CATSPERE: variants seen among roughly 807,000 people sequenced by gnomAD.
The protein encoded by CATSPERE is cation channel sperm-associated auxiliary subunit epsilon.
In CATSPERE, 93 loss-of-function variants were observed where a neutral mutation model predicts 114.1. That is an observed-to-expected ratio of 0.81 (90% confidence interval 0.69 to 0.97). The LOEUF is 0.97. CATSPERE is among the 50% of genes least tolerant of loss of function. The pLI is 0.00. For synonymous variants in CATSPERE, 341 were observed against 384.1 expected, an observed-to-expected ratio of 0.89 and a Z score of 1.31; for missense variants, 1,058 against 1,131.6, an observed-to-expected ratio of 0.93 and a Z score of 0.93.
chr1:244,487,713 G>C (rs914193210), intron 5 of CATSPERE, among the ~76,000 whole-genome samples: 12 of 152,216 alleles, frequency 7.9e-5, no homozygotes, highest in South Asian at 4.1e-4. Flanking sequence ...GGAGGGGAAG[G>C]CTGGTCAGGA....
chr1:244,592,293 C>G (rs1667831315), intron 15 of CATSPERE, among the ~76,000 whole-genome samples: 2 of 152,082 alleles, frequency 1.3e-5, no homozygotes, highest in African/African-American at 4.8e-5. Context: ...ATCAAATATT[C>G]TACTAACTGA....
upstream of CATSPERE, among the ~76,000 whole-genome samples, chr1:244,452,936 G>A (rs1665750008): frequency 6.6e-6 from 1 of 152,136 alleles, no homozygotes; most frequent in African/African-American, 2.4e-5. Context: ...GAAAAAAAGT[G>A]GGAATGGAAT....
intron 19 of CATSPERE, among the ~76,000 whole-genome samples, chr1:244,610,920 C>T (rs1456864895): frequency 6.6e-6 from 1 of 152,074 alleles, no homozygotes; most frequent in Non-Finnish European, 1.5e-5. Flanking sequence ...GCCACCACGC[C>T]TGGCTAATTT....
At position 244,477,547 on chromosome 1, in the gene CATSPERE, T is replaced by C; in HGVS notation, c.121T>C (p.Leu41=). 6.3e-6 allele frequency: 10 copies of C among 1,576,190 alleles called. No homozygotes were observed. Among genetic ancestry groups the C allele is most frequent in the Non-Finnish European group, 7.8e-6 (9 of 1,148,962 alleles). The change falls in exon 3 of 22, where the codon TTA becomes CTA. Residue 41 remains leucine, a synonymous_variant. Coordinates refer to ENST00000366534, the MANE Select transcript of CATSPERE (RefSeq NM_001130957.2). ...CTCTTGTTTTCTTTTTTAGATTAAG[T>C]TAGAGTATGAAGGAACATTATTTAC... ...RIFSTRSTIK[L]EYEGTLFTEW... is the part of the protein sequence containing the mutation.
chr1:244,617,409 T>C, intron 19 of CATSPERE, 120 bp from the exon 20 acceptor site: 1 of 744,450 alleles, frequency 1.3e-6, no homozygotes, highest in East Asian at 2.9e-5. Flanking sequence ...ACTGCAGGGG[T>C]AAAATAGAAG....
At chr1:244,578,375 A>G (rs2148598137) in intron 11 of CATSPERE, among the ~76,000 whole-genome samples, 1 of 152,070 alleles carries the variant, frequency 6.6e-6, no homozygotes, top group South Asian at 2.1e-4. Flanking sequence ...CTGGTCTCAA[A>G]TTCCTGACCT....
intron 5 of CATSPERE, among the ~76,000 whole-genome samples, chr1:244,486,085 T>G (rs923219371): frequency 6.6e-6 from 1 of 152,170 alleles, no homozygotes; most frequent in Non-Finnish European, 1.5e-5. Flanking sequence ...GCTACATAAA[T>G]TTGTGAGGCC....
intron 8 of CATSPERE, among the ~76,000 whole-genome samples, chr1:244,521,267 T>C (rs1309550815): frequency 2.6e-5 from 4 of 152,132 alleles, no homozygotes; most frequent in Non-Finnish European, 4.4e-5. Context: ...GGCAGGAGGA[T>C]TGCTCAAGCC....
chr1:244,543,897 A>G (rs3000695), intron 8 of CATSPERE, among the ~76,000 whole-genome samples: 151,024 of 152,124 alleles, frequency 0.99, 74,976 homozygotes, highest in Middle Eastern at 1. Context: ...TGATAAAGCT[A>G]ACTCACACCT....
intron 19 of CATSPERE, 197 bp downstream of exon 19, chr1:244,610,523 G>A (rs1159567220): frequency 5.9e-6 from 4 of 673,068 alleles, no homozygotes; most frequent in East Asian, 5.7e-5. Context: ...TTGGTTCTGT[G>A]TTACTATTTT....
intron 20 of CATSPERE, among the ~76,000 whole-genome samples, chr1:244,621,112 A>C (rs1333594662): frequency 2.0e-4 from 14 of 69,962 alleles, no homozygotes; most frequent in Admixed American, 6.8e-4. Context: ...ATAAATATAT[A>C]TATAATATAT....
chr1:244,588,631 C>G, intron 14 of CATSPERE, 97 bp downstream of exon 14: 1 of 920,686 alleles, frequency 1.1e-6, no homozygotes, highest in Non-Finnish European at 1.8e-6. Context: ...TAATGACTGA[C>G]ACATCCACAA....
Position 244,552,465 on chromosome 1 carries a change from G to A in CATSPERE, c.680G>A (p.Gly227Asp), listed in dbSNP as rs1373971375. ...FPLLTIPEIPGYLPISSPRGS... is the reference protein window; with the variant it reads ...FPLLTIPEIPDYLPISSPRGS... ...TTGTTGACCATACCTGAAATTCCTG[G>A]TTATTTACCAATCTCCTCACCACGT... is the stretch of plus-strand genomic sequence containing the variant. The change falls in exon 9 of 22, where the codon GGT (glycine) becomes GAT (aspartate). Residue 227 changes from glycine (G) to aspartate (D), a missense_variant. Transcript: ENST00000366534. The A allele has an allele frequency of 1.9e-6, 3 of 1,613,946 alleles. No homozygotes were observed. In the East Asian group the frequency reaches 6.7e-5, roughly 36 times the overall value.
At chr1:244,619,753 A>G (rs1490474347) in intron 20 of CATSPERE, among the ~76,000 whole-genome samples, 1 of 152,208 alleles carries the variant, frequency 6.6e-6, no homozygotes, top group East Asian at 1.9e-4. Flanking sequence ...CTACAGGTGC[A>G]CTGACAATAG....
rs572313709 is a variant in CATSPERE at position 244,512,008 on chromosome 1, A to C, written c.430-6584A>C. On this transcript the variant is annotated intron_variant, in intron 7 of 21. Transcript: ENST00000366534. ...CCTTTTGGCAGTTTGAAATTCATGT[A>C]CCTTGGAGAAAACCTTTTTTGGGTT... Among the ~76,000 whole-genome samples, 7 of 152,232 alleles carry C rather than the reference A, an allele frequency of 4.6e-5. No homozygotes were observed. The South Asian group carries it at 1.4e-3, about 32-fold the overall frequency.
At chr1:244,622,020 CTG>C (rs959443827) in intron 20 of CATSPERE, among the ~76,000 whole-genome samples, 1 of 152,200 alleles carries the variant, frequency 6.6e-6, no homozygotes, top group African/African-American at 2.4e-5. Flanking sequence ...AGGGAACAAA[CTG>C]AAGTCTCACA....
intron 7 of CATSPERE, among the ~76,000 whole-genome samples, chr1:244,517,241 GATT>G (rs1222888721): frequency 6.6e-6 from 1 of 151,396 alleles, no homozygotes; most frequent in Non-Finnish European, 1.5e-5. Flanking sequence ...TTGTTTATAT[GATT>G]ATATTAACTT....
At chr1:244,492,139 C>CA (rs1299752916) in intron 6 of CATSPERE, among the ~76,000 whole-genome samples, 10 of 150,554 alleles carry the variant, frequency 6.6e-5, no homozygotes, top group African/African-American at 2.4e-4. Context: ...GAGACACAAC[C>CA]AAAAAAGAGA....
upstream of CATSPERE, among the ~76,000 whole-genome samples, chr1:244,453,554 T>C (rs1665828690): frequency 6.6e-6 from 1 of 152,222 alleles, no homozygotes; most frequent in Non-Finnish European, 1.5e-5. Context: ...CGTGGTTCAG[T>C]GGCCCCCCTC....
Sources: allele counts gnomAD v4.1 joint callset (sites outside exome capture counted in the v4.1 genomes callset), GRCh38; gene constraint gnomAD v4.1.1; transcripts MANE v1.5; gene names NCBI Gene and HGNC (gene_info 2026-07-23, HGNC 2026-07-21).